The following CCNJL variants were observed in gnomAD, a reference collection of about 807,000 sequenced individuals.
CCNJL encodes cyclin J like, also known as cyclin-J-like protein.
Under a neutral mutation model 33.4 loss-of-function variants are expected in CCNJL, and 33 were observed. That is an observed-to-expected ratio of 0.99 (90% CI 0.75 to 1.32). The LOEUF (loss-of-function observed/expected upper bound fraction) is 1.32, where lower values mean the gene tolerates loss of function less well. Among genes scored for constraint, CCNJL ranks in the 40% most tolerant of loss-of-function variants. The pLI is 0.00. For missense variants in CCNJL, 512 were observed against 499.7 expected, an observed-to-expected ratio of 1.02 and a Z score of -0.23; for synonymous variants, 227 against 220.9, an observed-to-expected ratio of 1.03 and a Z score of -0.24.
chr5:160,321,014 CTTTCTTTCTTTCTTTCTTTCTT>C (rs1457421868), intron 1 of CCNJL, among the ~76,000 whole-genome samples: 1,672 of 35,946 alleles, frequency 0.047, 86 homozygotes, highest in African/African-American at 0.054. Flanking sequence ...CTCTCTCTCT[CTTTCTTTCTTTCTTTCTTTCTT>C]TCTTTCTTTC....
At chr5:160,315,521 AAAAC>A, upstream of CCNJL, 1 of 313,192 alleles carries the variant, frequency 3.2e-6, no homozygotes, top group Non-Finnish European at 7.0e-6. Context: ...AACAAAAACA[AAAAC>A]AAGAGAAAGA....
chr5:160,320,862 T>C (rs1335116597), intron 1 of CCNJL, among the ~76,000 whole-genome samples: 27 of 143,408 alleles, frequency 1.9e-4, no homozygotes, highest in African/African-American at 7.3e-4. Context: ...TCTTTCTTTC[T>C]TTCTTTCTCT....
intron 1 of CCNJL, among the ~76,000 whole-genome samples, chr5:160,331,025 CCT>C (rs1483514173): frequency 1.3e-5 from 2 of 152,044 alleles, no homozygotes; most frequent in East Asian, 1.9e-4. Flanking sequence ...ACTCTGATCC[CCT>C]GTCCTCTAAT....
intron 1 of CCNJL, among the ~76,000 whole-genome samples, chr5:160,324,272 T>C (rs1333989679): frequency 6.6e-6 from 1 of 152,180 alleles, no homozygotes; most frequent in Non-Finnish European, 1.5e-5. Context: ...GACTAAGTCA[T>C]TGTTAAATCT....
In CCNJL at chr5:160,307,997, T is replaced by TA. The variant is rs1414952217; in HGVS notation, c.66+3860dup. 2.6e-5 allele frequency among the ~76,000 whole-genome samples: 4 copies of TA among 152,184 alleles called. No homozygotes were observed. The South Asian group carries it at 8.3e-4, about 32-fold the overall frequency. On this transcript the variant is annotated intron_variant, in intron 2 of 5. Coordinates refer to ENST00000257536, the MANE Select transcript of CCNJL (RefSeq NM_001308173.3). Reference sequence around the variant, plus strand: ...CTCCTGGTTCCCAGCCCTCAGTAGATACATGATTTTTGGTGAACTAGTCCC... The same window carrying TA: ...CTCCTGGTTCCCAGCCCTCAGTAGATAACATGATTTTTGGTGAACTAGTCCC...
At chr5:160,266,184 C>T (rs1254085304) in intron 3 of CCNJL, among the ~76,000 whole-genome samples, 3 of 152,248 alleles carry the variant, frequency 2.0e-5, no homozygotes, top group Non-Finnish European at 2.9e-5. Context: ...GTGGGCAGTG[C>T]TACGCAGTCA....
chr5:160,281,622 C>A (rs750546991), intron 2 of CCNJL, among the ~76,000 whole-genome samples: 18 of 151,932 alleles, frequency 1.2e-4, no homozygotes, highest in Non-Finnish European at 2.5e-4. Flanking sequence ...ACCGTTCAAT[C>A]AAAGAAGATT....
At chr5:160,255,527 A>G in intron 5 of CCNJL, 22 bp downstream of exon 5, 1 of 1,610,846 alleles carries the variant, frequency 6.2e-7, no homozygotes, top group Non-Finnish European at 8.5e-7. Context: ...TCAGAAACAC[A>G]GGATTCAGGG....
chr5:160,311,816 T>C (rs750299439), intron 2 of CCNJL, 42 bp downstream of exon 2: 3 of 1,585,912 alleles, frequency 1.9e-6, no homozygotes, highest in South Asian at 1.1e-5. Context: ...CGAAGGAGAC[T>C]GTACCCAGTC....
At chr5:160,280,499 G>A (rs367839311) in intron 3 of CCNJL, 26 bp downstream of exon 3, 36 of 1,588,924 alleles carry the variant, frequency 2.3e-5, no homozygotes, top group African/African-American at 5.4e-5. Context: ...GCACAAGCGC[G>A]GAGGAAGACG....
intron 2 of CCNJL, among the ~76,000 whole-genome samples, chr5:160,291,967 G>C (rs1038209296): frequency 3.9e-5 from 6 of 152,154 alleles, no homozygotes; most frequent in Admixed American, 1.3e-4. Flanking sequence ...CTTGGAAATG[G>C]AACAGGTCAA....
intron 3 of CCNJL, among the ~76,000 whole-genome samples, chr5:160,266,569 T>C (rs1761597610): frequency 6.6e-6 from 1 of 152,074 alleles, no homozygotes; most frequent in Non-Finnish European, 1.5e-5. Context: ...TTGTGTGATC[T>C]TGGGCAATCA....
intron 3 of CCNJL, among the ~76,000 whole-genome samples, chr5:160,276,937 C>T (rs1762034391): frequency 6.6e-6 from 1 of 152,078 alleles, no homozygotes; most frequent in Admixed American, 6.5e-5. Context: ...GCATGAGCCA[C>T]CAACACCCAG....
chr5:160,319,674 G>A (rs1461732308), intron 1 of CCNJL, among the ~76,000 whole-genome samples: 2 of 152,146 alleles, frequency 1.3e-5, no homozygotes, highest in South Asian at 4.1e-4. Flanking sequence ...CTCAAGTCTG[G>A]AATCCCAGTA....
intron 3 of CCNJL, among the ~76,000 whole-genome samples, chr5:160,272,633 T>C (rs1008055887): frequency 2.6e-5 from 4 of 152,192 alleles, no homozygotes; most frequent in African/African-American, 9.7e-5. Flanking sequence ...GTCAAATAAA[T>C]GTTTTTCTGG....
chr5:160,285,703 GC>G (rs1762380974), intron 2 of CCNJL, among the ~76,000 whole-genome samples: 1 of 152,272 alleles, frequency 6.6e-6, no homozygotes, highest in African/African-American at 2.4e-5. Flanking sequence ...GGAACAGCCA[GC>G]CAGGCAGGGT....
chr5:160,279,717 A>G (rs1275942216), intron 3 of CCNJL, among the ~76,000 whole-genome samples: 1 of 152,182 alleles, frequency 6.6e-6, no homozygotes. Context: ...GCAAAGCTCT[A>G]TGACAAGAGG....
chr5:160,307,515 A>G (rs992661133), intron 2 of CCNJL, among the ~76,000 whole-genome samples: 1 of 152,148 alleles, frequency 6.6e-6, no homozygotes, highest in Non-Finnish European at 1.5e-5. Context: ...ACTTAGGTGG[A>G]TGCATCTTTC....
At chr5:160,322,698 G>A (rs1310587197) in intron 1 of CCNJL, among the ~76,000 whole-genome samples, 1 of 151,850 alleles carries the variant, frequency 6.6e-6, no homozygotes, top group Non-Finnish European at 1.5e-5. Context: ...ACAAGGTCAG[G>A]AGCTTGAGAC....
Sources: gnomAD v4.1 joint callset for allele counts (sites outside exome capture counted in the v4.1 genomes callset) on GRCh38, gnomAD v4.1.1 for gene constraint, MANE v1.5 for transcripts, NCBI Gene and HGNC (gene_info 2026-07-23, HGNC 2026-07-21) for gene names.